The following STXBP5L variants were observed in gnomAD, a reference collection of about 807,000 sequenced individuals.
The protein encoded by STXBP5L is syntaxin-binding protein 5-like.
In STXBP5L, 65 loss-of-function variants were observed where a neutral mutation model predicts 144.5. That is an observed-to-expected ratio of 0.45 (90% CI 0.37 to 0.55). The LOEUF is 0.55. STXBP5L is among the 20% of genes least tolerant of loss of function. The probability of loss-of-function intolerance (pLI) is 0.00; values close to 1 mark genes in which losing one functional copy is unlikely to be tolerated. For missense variants in STXBP5L, 1,298 were observed against 1,405.5 expected (o/e 0.92, Z 1.22); for synonymous variants, 505 against 469.6 (o/e 1.08, Z -0.97).
chr3:121,381,269 G>GT (rs35624942), intron 21 of STXBP5L, 24 bp from the exon 22 acceptor site: 172 of 1,548,028 alleles, frequency 1.1e-4, no homozygotes, highest in African/African-American at 5.7e-4. Flanking sequence ...AATTTGTGTG[G>GT]TTTTTTTTTA....
chr3:121,355,999 G>T (rs1477813878), intron 20 of STXBP5L, among the ~76,000 whole-genome samples: 1 of 152,202 alleles, frequency 6.6e-6, no homozygotes, highest in South Asian at 2.1e-4. Flanking sequence ...GACCCTGTTT[G>T]CCTGGGTATC....
At chr3:121,201,500 AGCC>A (rs2048137045) in intron 9 of STXBP5L, among the ~76,000 whole-genome samples, 1 of 152,172 alleles carries the variant, frequency 6.6e-6, no homozygotes, top group South Asian at 2.1e-4. Context: ...TGGAGACTTT[AGCC>A]CATTTACATT....
chr3:121,245,308 T>A, intron 14 of STXBP5L, among the ~76,000 whole-genome samples: 4 of 143,754 alleles, frequency 2.8e-5, no homozygotes, highest in Non-Finnish European at 1.5e-5. Context: ...CTATAGAAGG[T>A]GCACAAAAGA....
chr3:121,284,968 T>A (rs966516569), intron 19 of STXBP5L, among the ~76,000 whole-genome samples: 2 of 152,094 alleles, frequency 1.3e-5, no homozygotes, highest in Non-Finnish European at 2.9e-5. Flanking sequence ...CAATTGCTTT[T>A]CAAAATACAT....
intron 3 of STXBP5L, among the ~76,000 whole-genome samples, chr3:121,009,514 G>A (rs1390836137): frequency 2.6e-5 from 4 of 151,990 alleles, no homozygotes; most frequent in African/African-American, 9.7e-5. Context: ...ACATCTGAAT[G>A]TGGTAGCAGT....
At chr3:121,185,047 C>T (rs1251896083) in intron 9 of STXBP5L, among the ~76,000 whole-genome samples, 1 of 152,194 alleles carries the variant, frequency 6.6e-6, no homozygotes, top group Non-Finnish European at 1.5e-5. Flanking sequence ...TTTACAAGAG[C>T]TCCTGAAAGA....
At chr3:121,055,783 T>C (rs867366351) in intron 5 of STXBP5L, among the ~76,000 whole-genome samples, 18 of 151,974 alleles carry the variant, frequency 1.2e-4, no homozygotes, top group Middle Eastern at 3.2e-3. Flanking sequence ...TCACACAACC[T>C]TGAATTCCTG....
chr3:121,149,657 C>A (rs1414963603), intron 7 of STXBP5L, among the ~76,000 whole-genome samples: 2 of 151,592 alleles, frequency 1.3e-5, no homozygotes, highest in South Asian at 2.1e-4. Flanking sequence ...AGAATTAATA[C>A]CCTATTAGAA....
At chr3:120,973,163 A>G (rs1940479660) in intron 3 of STXBP5L, among the ~76,000 whole-genome samples, 1 of 152,008 alleles carries the variant, frequency 6.6e-6, no homozygotes, top group African/African-American at 2.4e-5. Flanking sequence ...CTTTTTTGTA[A>G]ATGTGGTATA....
intron 10 of STXBP5L, among the ~76,000 whole-genome samples, chr3:121,220,112 G>C (rs2048929054): frequency 2.6e-5 from 4 of 151,866 alleles, no homozygotes; most frequent in Admixed American, 1.3e-4. Context: ...CTCACTTTCT[G>C]TCCCTTTATA....
At position 121,068,661 on chromosome 3, in the gene STXBP5L, A is replaced by G. The variant is rs1179698089; in HGVS notation, c.470+23126A>G. ...CTTTGGATTATTTTTTTTGTATTTTATTTTCACATCCGTTTTAAACCCTAT... is the reference window on the plus strand; with the variant it reads ...CTTTGGATTATTTTTTTTGTATTTTGTTTTCACATCCGTTTTAAACCCTAT... On this transcript the variant is annotated intron_variant, in intron 5 of 26. Transcript: ENST00000471454. Among the ~76,000 whole-genome samples, 6 of 151,806 alleles carry G rather than the reference A, an allele frequency of 4.0e-5. No individual in the cohort carries two copies. In the South Asian group the frequency reaches 8.3e-4, roughly 21 times the overall value.
Position 121,318,528 on chromosome 3 carries a change from T to C in STXBP5L, c.2164T>C (p.Ser722Pro), listed in dbSNP as rs868734602. 6.4e-7 allele frequency: 1 copy of C among 1,557,818 alleles called. No homozygotes were observed. The highest frequency in any genetic ancestry group is 2.4e-5 in the East Asian group (1 of 41,904). ...TCCCCTAGAACTTGAGCGCTGCAAG[T>C]CTCCTACCTCAGGTAAACATGAGTG... The part of the protein sequence containing the change: ...PVPLELERCK[S>P]PTSDHVNGHC... The change falls in exon 20 of 27, where the codon TCT becomes CCT. Residue 722 changes from serine to proline, a missense_variant. Physicochemically the swap from Ser to Pro is moderately conservative, Grantham distance 74. Transcript: ENST00000471454.
At chr3:121,002,810 GT>G (rs1489407911) in intron 3 of STXBP5L, among the ~76,000 whole-genome samples, 1 of 151,452 alleles carries the variant, frequency 6.6e-6, no homozygotes, top group Non-Finnish European at 1.5e-5. Flanking sequence ...GCGGTGTTTG[GT>G]TTTTTGTCCT....
At chr3:121,023,879 C>T (rs2686647) in intron 3 of STXBP5L, among the ~76,000 whole-genome samples, 2 of 152,072 alleles carry the variant, frequency 1.3e-5, no homozygotes, top group East Asian at 3.9e-4. Context: ...CCTCAGCCTC[C>T]CAAGTAGCTG....
chr3:121,146,455 A>G (rs16832140), intron 7 of STXBP5L, among the ~76,000 whole-genome samples: 18,207 of 152,022 alleles, frequency 0.12, 1,145 homozygotes, highest in Non-Finnish European at 0.14. Context: ...AGGACACATT[A>G]ACAAATGGGA....
intron 18 of STXBP5L, among the ~76,000 whole-genome samples, chr3:121,262,622 C>CA (rs879550329): frequency 5.4e-5 from 8 of 146,990 alleles, no homozygotes; most frequent in East Asian, 2.0e-4. Flanking sequence ...AACTCCATCT[C>CA]AAAAAAAAAA....
chr3:120,945,018 T>C (rs1710774302), intron 2 of STXBP5L, among the ~76,000 whole-genome samples: 1 of 151,910 alleles, frequency 6.6e-6, no homozygotes, highest in Admixed American at 6.6e-5. Flanking sequence ...TGCTCCATAG[T>C]TCCAGTAATA....
intron 6 of STXBP5L, among the ~76,000 whole-genome samples, chr3:121,120,911 A>G (rs1307772920): frequency 6.6e-6 from 1 of 151,290 alleles, no homozygotes; most frequent in African/African-American, 2.4e-5. Flanking sequence ...ATATTTAATC[A>G]TGACATAATC....
intron 3 of STXBP5L, among the ~76,000 whole-genome samples, chr3:121,040,911 C>T (rs746387919): frequency 6.6e-6 from 1 of 152,002 alleles, no homozygotes; most frequent in Non-Finnish European, 1.5e-5. Flanking sequence ...ATAAATCTGG[C>T]CCACATTCCT....
Sources: gnomAD v4.1 joint callset for allele counts (sites outside exome capture counted in the v4.1 genomes callset) on GRCh38, gnomAD v4.1.1 for gene constraint, MANE v1.5 for transcripts, NCBI Gene and HGNC (gene_info 2026-07-23, HGNC 2026-07-21) for gene names.